MCOLN3: variants seen among roughly 807,000 people sequenced by gnomAD.
The protein encoded by MCOLN3 is mucolipin-3.
Under a neutral mutation model 69.4 loss-of-function variants are expected in MCOLN3, and 62 were observed. That is an observed-to-expected ratio of 0.89 (90% CI 0.73 to 1.10). MCOLN3 has a LOEUF of 1.10. MCOLN3 is among the 50% of genes least tolerant of loss of function. The probability of loss-of-function intolerance (pLI) is 0.00; values close to 1 mark genes in which losing one functional copy is unlikely to be tolerated. For missense variants in MCOLN3, 564 were observed against 656.4 expected (o/e 0.86, Z 1.54); for synonymous variants, 183 against 217.0 (o/e 0.84, Z 1.38).
intron 3 of MCOLN3, among the ~76,000 whole-genome samples, chr1:85,039,108 CTACT>C (rs140170617): frequency 0.022 from 3,382 of 152,238 alleles, 135 homozygotes; most frequent in African/African-American, 0.078. Flanking sequence ...ACTCAAAACC[CTACT>C]TATTCATAAA....
At chr1:85,048,195 C>T (rs1653485612) in intron 1 of MCOLN3, among the ~76,000 whole-genome samples, 1 of 151,968 alleles carries the variant, frequency 6.6e-6, no homozygotes, top group South Asian at 2.1e-4. Flanking sequence ...GACCTGCGGG[C>T]GGCTTGGGGG....
chr1:85,024,727 T>C (rs1290827415), intron 9 of MCOLN3: 1 of 152,146 alleles, frequency 6.6e-6, no homozygotes, highest in Non-Finnish European at 1.5e-5. Flanking sequence ...AAATTAATGA[T>C]AGTTGAGGTT....
chr1:85,048,009 GC>G (rs1442700721), intron 1 of MCOLN3, among the ~76,000 whole-genome samples: 2 of 152,202 alleles, frequency 1.3e-5, no homozygotes, highest in African/African-American at 4.8e-5. Flanking sequence ...CCGCGTCAAG[GC>G]CATCTGGAGC....
chr1:85,033,591 C>G (rs1461395667), intron 4 of MCOLN3, among the ~76,000 whole-genome samples: 2 of 152,138 alleles, frequency 1.3e-5, no homozygotes, highest in Admixed American at 6.5e-5. Flanking sequence ...CCATGCTATT[C>G]CATGTTCTGA....
At chr1:85,029,252 C>T (rs755363903) in intron 6 of MCOLN3, 47 bp from the exon 7 acceptor site, 6 of 1,163,638 alleles carry the variant, frequency 5.2e-6, no homozygotes, top group Non-Finnish European at 6.4e-6. Context: ...AGTTTTGGAG[C>T]CAAGAAACCT....
At chr1:85,021,000 G>T in intron 12 of MCOLN3, 70 bp downstream of exon 12, 1 of 1,119,556 alleles carries the variant, frequency 8.9e-7, no homozygotes, top group Non-Finnish European at 1.3e-6. Flanking sequence ...CTACCATTAG[G>T]TACTGAATTT....
chr1:85,023,133 T>C (rs988282599), intron 9 of MCOLN3: 2 of 144,264 alleles, frequency 1.4e-5, no homozygotes, highest in Non-Finnish European at 3.0e-5. Context: ...CAGGCTGGAG[T>C]GCCGTGGCAC....
intron 3 of MCOLN3, among the ~76,000 whole-genome samples, chr1:85,036,150 T>A (rs1652792268): frequency 6.6e-6 from 1 of 152,228 alleles, no homozygotes; most frequent in East Asian, 1.9e-4. Flanking sequence ...TGCAGTACCC[T>A]TGCACACACA....
Position 85,019,028 on chromosome 1 carries a change from T to C in MCOLN3, c.*95A>G. The C allele has an allele frequency of 8.1e-7, 1 of 1,236,886 alleles. No individual in the cohort carries two copies. The highest frequency in any genetic ancestry group is 2.3e-5 in the Admixed American group (1 of 44,282). 76.6% of individuals were successfully genotyped at this position (1,236,886 alleles called of 1,614,324 possible). A position where few individuals can be genotyped will look rare whatever the true frequency, so the allele number is the denominator to read the frequency against. On this transcript the variant is annotated 3_prime_UTR_variant, in exon 13 of 13. Coordinates refer to ENST00000370589, the MANE Select transcript of MCOLN3 (RefSeq NM_018298.11). ...GGTCTCAATTAGCTCAAAATAACAG[T>C]CTTCAAACATACTACATCTGATCTC...
At chr1:85,046,316 G>T (rs79304845) in intron 1 of MCOLN3, among the ~76,000 whole-genome samples, 5 of 136,022 alleles carry the variant, frequency 3.7e-5, no homozygotes, top group Admixed American at 7.5e-5. Context: ...TGGGGGGGGG[G>T]GCAGGTACGT....
intron 6 of MCOLN3, among the ~76,000 whole-genome samples, chr1:85,030,336 A>G (rs1386319573): frequency 1.3e-5 from 2 of 152,400 alleles, no homozygotes; most frequent in South Asian, 2.1e-4. Context: ...TCCCAAAGAA[A>G]GAAGAAAAAT....
chr1:85,039,510 T>C (rs1652957563), intron 3 of MCOLN3, among the ~76,000 whole-genome samples: 1 of 152,190 alleles, frequency 6.6e-6, no homozygotes, highest in Non-Finnish European at 1.5e-5. Context: ...TTGTCTGTTA[T>C]CTAGTCTCAG....
At chr1:85,045,057 A>T in intron 2 of MCOLN3, 76 bp downstream of exon 2, 1 of 1,190,188 alleles carries the variant, frequency 8.4e-7, no homozygotes, top group Non-Finnish European at 1.2e-6. Context: ...AAGTTATTTA[A>T]AAAAAAAACC....
intron 1 of MCOLN3, among the ~76,000 whole-genome samples, chr1:85,045,600 T>G (rs888152736): frequency 6.6e-6 from 1 of 152,194 alleles, no homozygotes; most frequent in East Asian, 1.9e-4. Context: ...GTTACCAAAT[T>G]CAAGGGCTGC....
At chr1:85,035,536 G>A (rs947905276) in intron 3 of MCOLN3, among the ~76,000 whole-genome samples, 4 of 152,104 alleles carry the variant, frequency 2.6e-5, no homozygotes, top group Admixed American at 6.5e-5. Context: ...AGTTGTTCAG[G>A]CCAAAACTTA....
Position 85,031,869 on chromosome 1 carries a change from G to C in MCOLN3, c.732+827C>G, listed in dbSNP as rs954264870. ...AGGTGGATCACGAAGTCAGAAGATCGAGACCATCCTGGCTAACGCGGTGAA... is the reference window on the plus strand; with the variant it reads ...AGGTGGATCACGAAGTCAGAAGATCCAGACCATCCTGGCTAACGCGGTGAA... On this transcript the variant is annotated intron_variant, in intron 6 of 12. Coordinates refer to ENST00000370589, the MANE Select transcript of MCOLN3 (RefSeq NM_018298.11). 2.6e-5 allele frequency among the ~76,000 whole-genome samples: 4 copies of C among 152,018 alleles called. No homozygotes were observed. In the South Asian group the frequency reaches 8.3e-4, roughly 32 times the overall value.
At chr1:85,033,042 AGATTCT>A in intron 4 of MCOLN3, 86 bp from the exon 5 acceptor site, 10 of 1,099,892 alleles carry the variant, frequency 9.1e-6, no homozygotes, top group Non-Finnish European at 1.4e-5. Flanking sequence ...CCAGTTATTC[AGATTCT>A]ATTATTTTTC....
rs774132948 is a variant in MCOLN3 at position 85,021,209 on chromosome 1, G to A, written c.1388C>T (p.Thr463Met). 7 of 1,613,748 alleles carry A rather than the reference G, an allele frequency of 4.3e-6. No individual in the cohort carries two copies. The highest frequency in any genetic ancestry group is 1.7e-5 in the Admixed American group (1 of 59,984). The change falls in exon 12 of 13, where the codon ACG becomes ATG. Residue 463 changes from threonine to methionine, a missense_variant. Coordinates refer to ENST00000370589, the MANE Select transcript of MCOLN3 (RefSeq NM_018298.11). ...ACTTTTTTGCTGCATTTTTGCAAAC[G>A]TGGCAAACATATCATCTCCATTTAT... ...SLINGDDMFA[T>M]FAKMQQKSYL...
At position 85,035,298 on chromosome 1, in the gene MCOLN3, C is replaced by G. The variant is rs566812392; in HGVS notation, c.397-1047G>C. On this transcript the variant is annotated intron_variant, in intron 3 of 12. Coordinates refer to ENST00000370589, the MANE Select transcript of MCOLN3 (RefSeq NM_018298.11). ...GCCTTGACCTCTATCCACATTCTCTCCACAGCTGACTTCAACCAGTCCCAT... is the reference window on the plus strand; with the variant it reads ...GCCTTGACCTCTATCCACATTCTCTGCACAGCTGACTTCAACCAGTCCCAT... Among the ~76,000 whole-genome samples, 19 of 152,320 alleles carry G rather than the reference C, an allele frequency of 1.2e-4. No individual in the cohort carries two copies. In the South Asian group the frequency reaches 2.7e-3, roughly 22 times the overall value.
Sources: gnomAD v4.1 joint callset for allele counts (sites outside exome capture counted in the v4.1 genomes callset) on GRCh38, gnomAD v4.1.1 for gene constraint, MANE v1.5 for transcripts, NCBI Gene and HGNC (gene_info 2026-07-23, HGNC 2026-07-21) for gene names.